Variants in ADAMTSL1 observed in about 807,000 individuals in gnomAD.
ADAMTSL1 encodes ADAMTS like 1.
ADAMTSL1 carries 126 observed loss-of-function variants against 201.8 expected under a neutral mutation model. The observed-to-expected ratio is 0.62, with a 90% confidence interval of 0.54 to 0.72. The LOEUF (loss-of-function observed/expected upper bound fraction) is 0.72. Among genes scored for constraint, ADAMTSL1 ranks in the 30% least tolerant of loss-of-function variants. The pLI is 0.00. For missense variants in ADAMTSL1, 2,679 were observed against 2,277.8 expected (o/e 1.18, Z -3.59); for synonymous variants, 1,121 against 903.4 (o/e 1.24, Z -4.32).
intron 2 of ADAMTSL1, among the ~76,000 whole-genome samples, chr9:18,344,027 T>C (rs1835588248): frequency 6.6e-6 from 1 of 152,154 alleles, no homozygotes; most frequent in African/African-American, 2.4e-5. Context: ...ATCATCAACT[T>C]TTCCCCAGAA....
chr9:18,173,104 G>A (rs1407828786), intron 2 of ADAMTSL1, among the ~76,000 whole-genome samples: 1 of 152,108 alleles, frequency 6.6e-6, no homozygotes, highest in Non-Finnish European at 1.5e-5. Flanking sequence ...TAAATGGCTA[G>A]TGGTTGCACA....
At position 18,332,445 on chromosome 9, in the gene ADAMTSL1, A is replaced by T. The variant is rs115305328; in HGVS notation, c.207+168464A>T. Reference sequence around the variant, plus strand: ...TCTTGCTATCTTTTTTATACGCACCAGTCCAGTTTTCCTCCTTTTTTTAGA... The same window carrying T: ...TCTTGCTATCTTTTTTATACGCACCTGTCCAGTTTTCCTCCTTTTTTTAGA... On this transcript the variant is annotated intron_variant, in intron 2 of 29. Coordinates refer to the ADAMTSL1 transcript ENST00000680146. 5.5e-3 allele frequency among the ~76,000 whole-genome samples: 839 copies of T among 151,396 alleles called. 9 individuals carry two copies. The highest frequency in any genetic ancestry group is 0.02 in the African/African-American group (810 of 41,504).
chr9:18,222,082 A>G lies in ADAMTSL1; in HGVS notation c.207+58101A>G, dbSNP rs139845265. ...TTTGCCTTGAATTCTATTTTATTCCATATTAAAATGGCTATCTATGATTTT... is the reference window on the plus strand; with the variant it reads ...TTTGCCTTGAATTCTATTTTATTCCGTATTAAAATGGCTATCTATGATTTT... On this transcript the variant is annotated intron_variant, in intron 2 of 29. Coordinates refer to the ADAMTSL1 transcript ENST00000680146. 9.2e-5 allele frequency among the ~76,000 whole-genome samples: 14 copies of G among 152,084 alleles called. No homozygotes were observed. In the East Asian group the frequency reaches 1.7e-3, roughly 19 times the overall value.
At chr9:18,078,623 CT>C (rs1372055210) in intron 1 of ADAMTSL1, among the ~76,000 whole-genome samples, 1 of 152,104 alleles carries the variant, frequency 6.6e-6, no homozygotes, top group Non-Finnish European at 1.5e-5. Flanking sequence ...GTATCACTTT[CT>C]CGTGAGTATT....
At chr9:18,731,019 T>A (rs575104339) in intron 15 of ADAMTSL1, among the ~76,000 whole-genome samples, 2 of 152,356 alleles carry the variant, frequency 1.3e-5, no homozygotes, top group African/African-American at 4.8e-5. Flanking sequence ...ATCATATATA[T>A]GCCTCTAGAA....
chr9:18,382,797 A>T (rs911390183), intron 2 of ADAMTSL1, among the ~76,000 whole-genome samples: 1 of 152,176 alleles, frequency 6.6e-6, no homozygotes, highest in African/African-American at 2.4e-5. Context: ...AGAGATCTCC[A>T]CTAACAGAGT....
intron 2 of ADAMTSL1, among the ~76,000 whole-genome samples, chr9:18,242,131 A>T (rs1471360424): frequency 6.6e-6 from 1 of 152,152 alleles, no homozygotes; most frequent in Non-Finnish European, 1.5e-5. Context: ...AGCAAACTAA[A>T]GTCAACAACA....
chr9:18,804,845 T>C (rs946363015), intron 20 of ADAMTSL1, among the ~76,000 whole-genome samples: 4 of 152,220 alleles, frequency 2.6e-5, no homozygotes, highest in African/African-American at 7.2e-5. Context: ...AGACGTTTCT[T>C]TGATATACTC....
intron 20 of ADAMTSL1, among the ~76,000 whole-genome samples, chr9:18,813,871 G>C (rs1594806): frequency 0.18 from 27,911 of 152,120 alleles, 2,821 homozygotes; most frequent in East Asian, 0.32. Flanking sequence ...GGTGAACATG[G>C]ATATTCTTGT....
chr9:18,374,404 A>G (rs1288547289), intron 2 of ADAMTSL1, among the ~76,000 whole-genome samples: 3 of 151,404 alleles, frequency 2.0e-5, no homozygotes, highest in Non-Finnish European at 2.9e-5. Flanking sequence ...TGCAGTCACC[A>G]CTGTCTGCAG....
At chr9:18,073,806 C>T (rs1013513288) in intron 1 of ADAMTSL1, among the ~76,000 whole-genome samples, 2 of 152,120 alleles carry the variant, frequency 1.3e-5, no homozygotes, top group Non-Finnish European at 2.9e-5. Flanking sequence ...CCAACTTCAG[C>T]GGCCTTGGCA....
chr9:18,707,186 T>C lies in ADAMTSL1; in HGVS notation c.1876+138T>C. Reference sequence around the variant, plus strand: ...GGAGGGGAGGCAGCCATTCTAAATGTAAAGCACACTGAATCAAACACAGAT... The same window carrying C: ...GGAGGGGAGGCAGCCATTCTAAATGCAAAGCACACTGAATCAAACACAGAT... On this transcript the variant is annotated intron_variant, in intron 14 of 28. Coordinates refer to ENST00000380548, the MANE Select transcript of ADAMTSL1 (RefSeq NM_001040272.6). The C allele has an allele frequency of 8.1e-6, 9 of 1,112,964 alleles. No homozygotes were observed. The South Asian group carries it at 1.1e-4, about 14-fold the overall frequency. 68.9% of individuals were successfully genotyped at this position (1,112,964 alleles called of 1,614,324 possible). A position where few individuals can be genotyped will look rare whatever the true frequency, so the allele number is the denominator to read the frequency against.
At chr9:17,984,569 A>T (rs2131476201) in intron 1 of ADAMTSL1, among the ~76,000 whole-genome samples, 1 of 152,238 alleles carries the variant, frequency 6.6e-6, no homozygotes, top group East Asian at 1.9e-4. Context: ...TATGGTGAGG[A>T]ACATACTTAA....
chr9:18,697,729 T>C (rs991122469), intron 13 of ADAMTSL1, among the ~76,000 whole-genome samples: 1 of 152,192 alleles, frequency 6.6e-6, no homozygotes, highest in African/African-American at 2.4e-5. Context: ...GTGAAGGAAA[T>C]TGAGGGGTCA....
rs984444733 is a variant in ADAMTSL1, at chr9:18,529,926, T to C, written c.192-3321T>C. ...GGTTTTCTTTGCTTTGCTTTTGTTTTGTTTTGCTTTTCCTAAATAATAAGT... is the reference window on the plus strand; with the variant it reads ...GGTTTTCTTTGCTTTGCTTTTGTTTCGTTTTGCTTTTCCTAAATAATAAGT... On this transcript the variant is annotated intron_variant, in intron 2 of 28. Coordinates refer to ENST00000380548, the MANE Select transcript of ADAMTSL1 (RefSeq NM_001040272.6). 2.6e-5 allele frequency among the ~76,000 whole-genome samples: 4 copies of C among 152,224 alleles called. 1 individual carries two copies.
At chr9:18,136,535 G>A (rs1826164699) in intron 1 of ADAMTSL1, among the ~76,000 whole-genome samples, 1 of 152,064 alleles carries the variant, frequency 6.6e-6, no homozygotes, top group African/African-American at 2.4e-5. Flanking sequence ...AGTAGAGTAG[G>A]AAAGAGAATC....
intron 2 of ADAMTSL1, among the ~76,000 whole-genome samples, chr9:18,524,359 C>A (rs1818898509): frequency 1.3e-5 from 2 of 152,276 alleles, no homozygotes; most frequent in South Asian, 4.1e-4. Flanking sequence ...GTGGGGTTTT[C>A]TAAATATACA....
chr9:18,009,974 A>T (rs1481147567), intron 1 of ADAMTSL1, among the ~76,000 whole-genome samples: 1 of 152,036 alleles, frequency 6.6e-6, no homozygotes, highest in Non-Finnish European at 1.5e-5. Flanking sequence ...AACTTCATGA[A>T]CTTCAGAAGA....
chr9:18,249,723 G>GGTCTCAAGGC (rs1186343475), intron 2 of ADAMTSL1, among the ~76,000 whole-genome samples: 2 of 152,120 alleles, frequency 1.3e-5, no homozygotes, highest in African/African-American at 4.8e-5. Context: ...CGGATACATA[G>GGTCTCAAGGC]GTCTCAAGGC....
Sources: gnomAD v4.1 joint callset for allele counts (sites outside exome capture counted in the v4.1 genomes callset) on GRCh38, gnomAD v4.1.1 for gene constraint, MANE v1.5 for transcripts, NCBI Gene and HGNC (gene_info 2026-07-23, HGNC 2026-07-21) for gene names.